Variants in HS3ST5 observed in about 807,000 individuals in gnomAD.
The protein encoded by HS3ST5 is heparan sulfate glucosamine 3-O-sulfotransferase 5.
Under a neutral mutation model 25.4 loss-of-function variants are expected in HS3ST5, and 10 were observed. The observed-to-expected ratio is 0.39, with a 90% CI of 0.24 to 0.67. HS3ST5 has a LOEUF of 0.67. Among genes scored for constraint, HS3ST5 ranks in the 30% least tolerant of loss-of-function variants. The pLI is 0.44. For missense variants in HS3ST5, 324 were observed against 420.7 expected, an observed-to-expected ratio of 0.77 and a Z score of 2.01; for synonymous variants, 170 against 162.4, an observed-to-expected ratio of 1.05 and a Z score of -0.36.
At chr6:114,219,380 C>T (rs554412436) in intron 2 of HS3ST5, among the ~76,000 whole-genome samples, 2 of 152,072 alleles carry the variant, frequency 1.3e-5, no homozygotes, top group South Asian at 2.1e-4. Context: ...GATCAGAGGA[C>T]AATTCAACTA....
rs185576183 is a variant in HS3ST5, at chr6:114,106,378, C to G, written c.-32-43501G>C. ...AGAACGCTGTGTAGAGTTAGCATTC[C>G]ATAAATGTTCCTTGATTTGAATTGA... On this transcript the variant is annotated intron_variant, in intron 3 of 4. Coordinates refer to ENST00000312719, the MANE Select transcript of HS3ST5 (RefSeq NM_153612.4). Among the ~76,000 whole-genome samples the G allele has an allele frequency of 2.6e-5, 4 of 152,082 alleles. No homozygotes were observed. In the East Asian group the frequency reaches 7.7e-4, roughly 29 times the overall value.
At chr6:114,323,934 C>T (rs1459750108) in intron 1 of HS3ST5, among the ~76,000 whole-genome samples, 2 of 152,098 alleles carry the variant, frequency 1.3e-5, no homozygotes, top group Non-Finnish European at 2.9e-5. Context: ...GGGTGAGTAG[C>T]TGTGCTGTTT....
Position 114,193,939 on chromosome 6 carries a change from AAGC to A in HS3ST5, c.-144-25480_-144-25478del, listed in dbSNP as rs1780620739. 2.0e-5 allele frequency among the ~76,000 whole-genome samples: 3 copies of A among 152,280 alleles called. No individual in the cohort carries two copies. In the South Asian group the frequency reaches 6.2e-4, roughly 32 times the overall value. ...TGAATAGCTGTTTCACAGCCCATCT[AAGC>A]ATTCAGGTCTCCTAAATTATGAAGT... is the stretch of plus-strand genomic sequence containing the variant. On this transcript the variant is annotated intron_variant, in intron 2 of 4. Coordinates refer to ENST00000312719, the MANE Select transcript of HS3ST5 (RefSeq NM_153612.4).
At chr6:114,335,841 A>G (rs1487482195) in intron 1 of HS3ST5, among the ~76,000 whole-genome samples, 1 of 151,996 alleles carries the variant, frequency 6.6e-6, no homozygotes, top group East Asian at 1.9e-4. Flanking sequence ...TTTAGTAGAG[A>G]CAGGGTTTCA....
chr6:114,095,750 A>G (rs1210795208), intron 3 of HS3ST5, among the ~76,000 whole-genome samples: 1 of 152,086 alleles, frequency 6.6e-6, no homozygotes, highest in Non-Finnish European at 1.5e-5. Context: ...CTATTCCCAG[A>G]CTGATTTCCT....
chr6:114,121,240 G>A (rs950085555), intron 3 of HS3ST5, among the ~76,000 whole-genome samples: 8 of 152,228 alleles, frequency 5.3e-5, no homozygotes, highest in African/African-American at 1.9e-4. Context: ...AGTGTTCTAA[G>A]CTTTTCAAAT....
chr6:114,111,131 T>A (rs1229521612), intron 3 of HS3ST5, among the ~76,000 whole-genome samples: 1 of 152,168 alleles, frequency 6.6e-6, no homozygotes, highest in Non-Finnish European at 1.5e-5. Context: ...AGTATATGCA[T>A]GGGCCTGGAA....
chr6:114,200,535 T>C (rs1479238389), intron 2 of HS3ST5, among the ~76,000 whole-genome samples: 2 of 152,216 alleles, frequency 1.3e-5, no homozygotes, highest in Non-Finnish European at 2.9e-5. Context: ...TCTTGTTCTA[T>C]ACCTTTGTGG....
intron 1 of HS3ST5, among the ~76,000 whole-genome samples, chr6:114,309,321 C>A (rs1387273038): frequency 1.3e-5 from 2 of 152,136 alleles, no homozygotes; most frequent in East Asian, 3.8e-4. Context: ...TAGGTAAAAA[C>A]CTCTTACTAT....
intron 1 of HS3ST5, among the ~76,000 whole-genome samples, chr6:114,238,498 G>A (rs1371584317): frequency 1.3e-5 from 2 of 152,216 alleles, no homozygotes; most frequent in African/African-American, 4.8e-5. Context: ...TTTTGTTATA[G>A]TTTCAGGATG....
chr6:114,310,554 G>C (rs938498221), intron 1 of HS3ST5, among the ~76,000 whole-genome samples: 3 of 151,638 alleles, frequency 2.0e-5, no homozygotes, highest in African/African-American at 7.3e-5. Context: ...TAGGAACCTA[G>C]GAAGTCTTTT....
intron 3 of HS3ST5, among the ~76,000 whole-genome samples, chr6:114,165,878 T>C (rs1779186181): frequency 1.3e-5 from 2 of 152,080 alleles, no homozygotes; most frequent in African/African-American, 2.4e-5. Context: ...CATGAAATGA[T>C]GTATGTAAAG....
intron 2 of HS3ST5, among the ~76,000 whole-genome samples, chr6:114,216,416 A>G (rs1361388439): frequency 6.6e-6 from 1 of 152,224 alleles, no homozygotes; most frequent in East Asian, 1.9e-4. Context: ...TGGTCCCAAA[A>G]TAGTAAACAA....
At chr6:114,219,439 C>CA (rs540735237) in intron 2 of HS3ST5, among the ~76,000 whole-genome samples, 142 of 151,330 alleles carry the variant, frequency 9.4e-4, no homozygotes, top group Non-Finnish European at 1.8e-3. Flanking sequence ...AAAGCATATG[C>CA]AAAAAAAATG....
intron 1 of HS3ST5, among the ~76,000 whole-genome samples, chr6:114,310,209 G>A (rs1297407975): frequency 6.6e-6 from 1 of 152,186 alleles, no homozygotes; most frequent in Non-Finnish European, 1.5e-5. Context: ...ATAGTCCCGA[G>A]TAGGTGGCAA....
intron 2 of HS3ST5, among the ~76,000 whole-genome samples, chr6:114,199,692 A>C (rs1402054024): frequency 6.6e-6 from 1 of 152,194 alleles, no homozygotes. Flanking sequence ...TTGTATTAAT[A>C]AATAATAAAT....
chr6:114,130,631 G>T (rs927453753), intron 3 of HS3ST5, among the ~76,000 whole-genome samples: 1 of 152,150 alleles, frequency 6.6e-6, no homozygotes, highest in African/African-American at 2.4e-5. Context: ...GTACAGTGGC[G>T]CAATCTCGGC....
intron 1 of HS3ST5, among the ~76,000 whole-genome samples, chr6:114,312,769 C>T (rs1280614206): frequency 6.6e-6 from 1 of 151,836 alleles, no homozygotes; most frequent in Non-Finnish European, 1.5e-5. Flanking sequence ...GTGGCTCATA[C>T]CTATAATCCC....
At chr6:114,243,405 C>T (rs1772231978) in intron 1 of HS3ST5, among the ~76,000 whole-genome samples, 2 of 152,058 alleles carry the variant, frequency 1.3e-5, no homozygotes, top group South Asian at 4.1e-4. Context: ...TATTTTTGGC[C>T]ACCATGACAC....
Sources: gnomAD v4.1 joint callset for allele counts (sites outside exome capture counted in the v4.1 genomes callset) on GRCh38, gnomAD v4.1.1 for gene constraint, MANE v1.5 for transcripts, NCBI Gene and HGNC (gene_info 2026-07-23, HGNC 2026-07-21) for gene names.